The following UXT variants were observed in gnomAD, a reference collection of about 807,000 sequenced individuals.
UXT encodes the protein ubiquitously expressed prefoldin like chaperone.
For synonymous variants in UXT, 54 were observed against 52.8 expected (o/e 1.02, Z -0.10); for missense variants, 111 against 132.7 (o/e 0.84, Z 0.80).
intron 4 of UXT, chrX:47,654,207 G>A: frequency 5.8e-6 from 2 of 344,801 alleles, no homozygotes; most frequent in South Asian, 1.5e-4. Flanking sequence ...ATATGGTTAT[G>A]CTTTTTTTTT....
intron 1 of UXT, 30 bp downstream of exon 2, chrX:47,658,800 A>G (rs1159852436): frequency 8.9e-7 from 1 of 1,127,634 alleles, no homozygotes; most frequent in African/African-American, 1.8e-5. Context: ...GGAATGTTCC[A>G]AACGCCCCGC....
At chrX:47,656,675 T>C (rs999924112) in intron 4 of UXT, among the ~76,000 whole-genome samples, 3 of 111,301 alleles carry the variant, frequency 2.7e-5, no homozygotes, top group Non-Finnish European at 5.7e-5. Context: ...AGAGAACAGC[T>C]ACAGCAATAT....
In UXT at chrX:47,659,044, G is replaced by A. The variant is rs922581829; in HGVS notation, c.-81C>T. ...GGAATCGGCTTGTCCGGCTCAAGCT[G>A]GAGGTTCAGCCTTCCGCCCCTCCCA... On this transcript the variant is annotated 5_prime_UTR_variant, in exon 1 of 6. Transcript: ENST00000335890. 1.7e-6 allele frequency: 2 copies of A among 1,190,869 alleles called. No homozygotes were observed. The highest frequency in any genetic ancestry group is 2.3e-6 in the Non-Finnish European group (2 of 879,828).
chrX:47,656,403 G>A (rs2058083688), intron 4 of UXT, among the ~76,000 whole-genome samples: 1 of 111,667 alleles, frequency 9.0e-6, no homozygotes. Context: ...TGGGTATAAG[G>A]GAATAAACCA....
chrX:47,656,006 T>C (rs933449673), intron 4 of UXT, among the ~76,000 whole-genome samples: 2 of 111,729 alleles, frequency 1.8e-5, no homozygotes, highest in African/African-American at 6.5e-5. Context: ...GTATTTTATG[T>C]ATGGCCCAAG....
At chrX:47,655,674 A>G (rs4824629) in intron 4 of UXT, among the ~76,000 whole-genome samples, 42,137 of 111,082 alleles carry the variant, frequency 0.38, 6,681 homozygotes, top group African/African-American at 0.61. Context: ...TCACTAGCAT[A>G]CCAGGCACAC....
At position 47,652,073 on chromosome X, in the gene UXT, G is replaced by C; in HGVS notation, c.456+8C>G. 1 of 1,206,808 alleles carries C rather than the reference G, an allele frequency of 8.3e-7. No individual in the cohort carries two copies. The highest frequency in any genetic ancestry group is 1.7e-5 in the African/African-American group (1 of 57,777). On this transcript the variant is annotated splice_region_variant and intron_variant, in intron 5 of 5. Transcript: ENST00000335890. ...ACAGAGTCTGGTAGTGGGGTGAGCT[G>C]CTCTCACCTCTAGCAACATGTGGAT...
At chrX:47,653,116 T>C (rs946803705) in intron 4 of UXT, among the ~76,000 whole-genome samples, 7 of 111,255 alleles carry the variant, frequency 6.3e-5, no homozygotes, top group African/African-American at 2.0e-4. Flanking sequence ...GAAAGTGGCC[T>C]AAGACAAGGT....
chrX:47,653,107 A>C (rs764050205), intron 4 of UXT, among the ~76,000 whole-genome samples: 7 of 111,379 alleles, frequency 6.3e-5, no homozygotes, highest in African/African-American at 2.3e-4. Flanking sequence ...GTGGGGAGGG[A>C]AAGTGGCCTA....
intron 1 of UXT, among the ~76,000 whole-genome samples, chrX:47,658,377 T>A (rs766675389): frequency 8.9e-6 from 1 of 111,936 alleles, no homozygotes; most frequent in South Asian, 3.7e-4. Context: ...TTCATACTCA[T>A]TGAACCTCTA....
Position 47,657,652 on chromosome X carries a change from G to A in UXT, c.217-13C>T. 1 of 1,206,742 alleles carries A rather than the reference G, an allele frequency of 8.3e-7. No individual in the cohort carries two copies. Among genetic ancestry groups the A allele is most frequent in the Non-Finnish European group, 1.1e-6 (1 of 892,204 alleles). The stretch of plus-strand genomic sequence containing the variant: ...AGTGCTTAGCTTCCTGTGGGGCCAG[G>A]GAAAAAGAGGTAGGGGTCAGTGGTG... On this transcript the variant is annotated splice_polypyrimidine_tract_variant and intron_variant, in intron 2 of 5. Coordinates refer to ENST00000335890, the MANE Select transcript of UXT (RefSeq NM_153477.3).
intron 4 of UXT, among the ~76,000 whole-genome samples, chrX:47,652,706 GAGA>G (rs746694941): frequency 8.9e-6 from 1 of 111,750 alleles, no homozygotes; most frequent in East Asian, 2.8e-4. Flanking sequence ...ACTCTGGCTG[GAGA>G]AGAATAAGTG....
At chrX:47,655,598 C>G (rs1236898144) in intron 4 of UXT, among the ~76,000 whole-genome samples, 1 of 112,633 alleles carries the variant, frequency 8.9e-6, no homozygotes, top group Non-Finnish European at 1.9e-5. Flanking sequence ...TGTTGTTAAT[C>G]TAAGTGTATT....
At chrX:47,655,172 T>A (rs2058079884) in intron 4 of UXT, among the ~76,000 whole-genome samples, 3 of 111,329 alleles carry the variant, frequency 2.7e-5, no homozygotes, top group Admixed American at 9.5e-5. Flanking sequence ...CCCAGCTACT[T>A]GGGAGGCTGA....
chrX:47,652,014 C>T, intron 5 of UXT, 67 bp downstream of exon 6: 12 of 1,180,827 alleles, frequency 1.0e-5, no homozygotes, highest in East Asian at 3.0e-5. Flanking sequence ...TCCCTTCTTT[C>T]GCTCTCTTCC....
intron 4 of UXT, 51 bp from the exon 6 acceptor site, chrX:47,652,195 G>A (rs1244762957): frequency 9.4e-6 from 10 of 1,064,578 alleles, no homozygotes; most frequent in Non-Finnish European, 1.3e-5. Flanking sequence ...TGATTATGAT[G>A]ACCCTTCCTT....
At chrX:47,654,332 A>T (rs955447370) in intron 4 of UXT, among the ~76,000 whole-genome samples, 2 of 107,351 alleles carry the variant, frequency 1.9e-5, no homozygotes, top group Admixed American at 2.0e-4. Context: ...TCAGCCTCCT[A>T]AGTAGCTGGG....
Position 47,657,559 on chromosome X carries a change from G to C in UXT, c.284+13C>G. 8.3e-7 allele frequency: 1 copy of C among 1,203,004 alleles called. No homozygotes were observed. Among genetic ancestry groups the C allele is most frequent in the Non-Finnish European group, 1.1e-6 (1 of 889,335 alleles). On this transcript the variant is annotated intron_variant, in intron 3 of 5. Transcript: ENST00000335890. ...TGAACCCTGTGGGCTCAGAGGGGCG[G>C]GTAGACACTCACACCACTGTGTCAA...
At position 47,657,576 on chromosome X, in the gene UXT, C is replaced by T. The variant is rs1333979071; in HGVS notation, c.280G>A (p.Val94Met). ...GAGGGGCGGGTAGACACTCACACCA[C>T]TGTGTCAACGAAGAAGTTACAGCCC... Residue 94 changes from valine (V) to methionine (M), a missense_variant, in exon 3 of 6, where the codon GTG (valine) becomes ATG (methionine). Transcript: ENST00000335890. 3 of 1,205,833 alleles carry T rather than the reference C, an allele frequency of 2.5e-6. No individual in the cohort carries two copies. Among genetic ancestry groups the T allele is most frequent in the African/African-American group, 1.8e-5 (1 of 56,792 alleles).
Sources: allele counts gnomAD v4.1 joint callset (sites outside exome capture counted in the v4.1 genomes callset), GRCh38; gene constraint gnomAD v4.1.1; transcripts MANE v1.5; gene names NCBI Gene and HGNC (gene_info 2026-07-23, HGNC 2026-07-21).